The following TRPA1 variants were observed in gnomAD, a reference collection of about 807,000 sequenced individuals.
TRPA1 encodes transient receptor potential cation channel subfamily A member 1.
A neutral mutation model predicts 131.3 loss-of-function variants in TRPA1; 129 were observed. That is an observed-to-expected ratio of 0.98 (90% CI 0.85 to 1.14). The LOEUF is 1.14. Ranked by LOEUF, TRPA1 falls within the 50% of genes most tolerant of loss-of-function variation. TRPA1 has a pLI of 0.00. For synonymous variants in TRPA1, 441 were observed against 451.7 expected, an observed-to-expected ratio of 0.98 and a Z score of 0.30; for missense variants, 1,304 against 1,354.2, an observed-to-expected ratio of 0.96 and a Z score of 0.58.
intron 14 of TRPA1, 185 bp downstream of exon 14, chr8:72,052,414 C>G (rs1805531518): frequency 1.6e-6 from 1 of 609,556 alleles, no homozygotes; most frequent in East Asian, 4.7e-5. Context: ...AGAGCTAGAC[C>G]TTTTCTAAAA....
intron 3 of TRPA1, among the ~76,000 whole-genome samples, chr8:72,068,079 C>T (rs1257788251): frequency 2.0e-5 from 3 of 152,168 alleles, no homozygotes; most frequent in Non-Finnish European, 4.4e-5. Flanking sequence ...ATACAAGGTA[C>T]AGTAGGAAAG....
intron 23 of TRPA1, among the ~76,000 whole-genome samples, chr8:72,031,205 A>G (rs1406738053): frequency 6.6e-6 from 1 of 152,236 alleles, no homozygotes; most frequent in Non-Finnish European, 1.5e-5. Flanking sequence ...GTTTCACTGG[A>G]CAGGATAATA....
At chr8:72,032,153 C>T (rs1052696920) in intron 23 of TRPA1, among the ~76,000 whole-genome samples, 1 of 152,178 alleles carries the variant, frequency 6.6e-6, no homozygotes, top group Non-Finnish European at 1.5e-5. Context: ...AGATCCAGCT[C>T]ACAGGGACCT....
At chr8:72,073,271 T>C (rs1806105327) in intron 1 of TRPA1, among the ~76,000 whole-genome samples, 1 of 152,206 alleles carries the variant, frequency 6.6e-6, no homozygotes, top group Non-Finnish European at 1.5e-5. Flanking sequence ...GAAAGTCAAA[T>C]GCTAAACTAT....
Position 72,024,041 on chromosome 8 carries a change from C to A in TRPA1, c.3052-130G>T, listed in dbSNP as rs1313238860. ...CATAGCTATGCCCTCAAGGAACCCA[C>A]AATCTGCTAGGAGAAAGAGACATGT... On this transcript the variant is annotated intron_variant, in intron 25 of 26. Coordinates refer to ENST00000262209, the MANE Select transcript of TRPA1 (RefSeq NM_007332.3). 13 of 657,506 alleles carry A rather than the reference C, an allele frequency of 2.0e-5. No homozygotes were observed. The East Asian group carries it at 2.9e-4, about 15-fold the overall frequency. 40.7% of individuals were successfully genotyped at this position (657,506 alleles called of 1,614,324 possible).
chr8:72,060,226 A>C (rs1372444547), intron 7 of TRPA1: 2 of 151,238 alleles, frequency 1.3e-5, no homozygotes, highest in East Asian at 3.9e-4. Flanking sequence ...ATGCATATTA[A>C]TATATTAAGG....
At chr8:72,084,727 C>T in the TRPA1 span, among the ~76,000 whole-genome samples, 3 of 145,674 alleles carry the variant, frequency 2.1e-5, no homozygotes, top group African/African-American at 7.6e-5. Flanking sequence ...TCTTGACTCA[C>T]TGCAACCTCT....
At chr8:72,050,672 A>G (rs1805479502) in intron 15 of TRPA1, 106 bp downstream of exon 15, 9 of 810,168 alleles carry the variant, frequency 1.1e-5, no homozygotes, top group Admixed American at 4.0e-5. Flanking sequence ...AGCCTATGGA[A>G]AATGAGAAGC....
intron 14 of TRPA1, among the ~76,000 whole-genome samples, chr8:72,052,165 T>G (rs1412159939): frequency 3.3e-5 from 5 of 152,212 alleles, no homozygotes; most frequent in Non-Finnish European, 7.3e-5. Flanking sequence ...CTCATGTCTG[T>G]AATGCCAATA....
At chr8:72,059,178 G>A (rs993131244) in intron 8 of TRPA1, among the ~76,000 whole-genome samples, 4 of 152,146 alleles carry the variant, frequency 2.6e-5, no homozygotes, top group Non-Finnish European at 5.9e-5. Context: ...TCCAAATTAC[G>A]CTTTGACACT....
chr8:72,074,662 C>G (rs1458076778), intron 1 of TRPA1, among the ~76,000 whole-genome samples: 1 of 152,052 alleles, frequency 6.6e-6, no homozygotes, highest in Non-Finnish European at 1.5e-5. Context: ...CCTTTAGGTC[C>G]GATAACTGCA....
the TRPA1 span, among the ~76,000 whole-genome samples, chr8:72,085,976 C>T: frequency 6.6e-6 from 1 of 152,146 alleles, no homozygotes; most frequent in African/African-American, 2.4e-5. Context: ...TCTTGGCTCA[C>T]CGCAACCTCT....
chr8:72,027,870 G>A (rs747817888), intron 24 of TRPA1, among the ~76,000 whole-genome samples: 1 of 152,154 alleles, frequency 6.6e-6, no homozygotes. Context: ...GGGGTACTAG[G>A]ATTTGTGCCA....
chr8:72,027,699 C>G (rs1811656359), intron 24 of TRPA1, among the ~76,000 whole-genome samples: 1 of 152,174 alleles, frequency 6.6e-6, no homozygotes, highest in Non-Finnish European at 1.5e-5. Flanking sequence ...ATGTGTGCTA[C>G]TTGTCCAGTT....
chr8:72,038,508 G>T (rs1002490080), intron 19 of TRPA1, among the ~76,000 whole-genome samples: 1 of 151,948 alleles, frequency 6.6e-6, no homozygotes, highest in African/African-American at 2.4e-5. Context: ...CATCTTGGAT[G>T]GAAACCACAT....
chr8:72,088,805 A>G, the TRPA1 span, among the ~76,000 whole-genome samples: 3 of 152,302 alleles, frequency 2.0e-5, no homozygotes, highest in East Asian at 1.9e-4. Flanking sequence ...AAACCTAAGC[A>G]TATCTTGCTC....
chr8:72,053,007 AAGAGAGAGAGAGAGAG>A (rs57169742), intron 13 of TRPA1: 20 of 232,046 alleles, frequency 8.6e-5, no homozygotes, highest in Admixed American at 5.7e-5. Context: ...GAGATAGAGA[AAGAGAGAGAGAGAGAG>A]AGAGAGAGAG....
At chr8:72,083,236 A>G in the TRPA1 span, among the ~76,000 whole-genome samples, 1 of 152,082 alleles carries the variant, frequency 6.6e-6, no homozygotes, top group Admixed American at 6.6e-5. Flanking sequence ...ATCATTCAAC[A>G]TCTTTATATT....
At position 72,055,545 on chromosome 8, in the gene TRPA1, G is replaced by A; in HGVS notation, c.1420C>T (p.Leu474Phe). The A allele has an allele frequency of 6.2e-7, 1 of 1,613,624 alleles. No homozygotes were observed. The highest frequency in any genetic ancestry group is 2.2e-5 in the East Asian group (1 of 44,856). Residue 474 changes from leucine to phenylalanine, a missense_variant, in exon 12 of 27, where the codon CTT (leucine) becomes TTT (phenylalanine). Leu to Phe is a conservative substitution (Grantham distance 22). Transcript: ENST00000262209. ...CCATGAAGGTCACCTTCATTCAGAA[G>A]CCTCGTATCACTTATGTCTTGTAGG... The part of the protein sequence containing the change: ...RLLQDISDTR[L>F]LNEGDLHGMT...
Sources: allele counts gnomAD v4.1 joint callset (sites outside exome capture counted in the v4.1 genomes callset), GRCh38; gene constraint gnomAD v4.1.1; transcripts MANE v1.5; gene names NCBI Gene and HGNC (gene_info 2026-07-23, HGNC 2026-07-21).